The following DCLK2 variants were observed in gnomAD, a reference collection of about 807,000 sequenced individuals.
DCLK2 encodes the protein doublecortin like kinase 2.
DCLK2 carries 31 observed loss-of-function variants against 78.4 expected under a neutral mutation model. The observed-to-expected ratio is 0.40, with a 90% CI of 0.30 to 0.53. The LOEUF (loss-of-function observed/expected upper bound fraction) is 0.53, where lower values mean the gene tolerates loss of function less well. Ranked by LOEUF, DCLK2 falls within the 20% of genes least tolerant of loss-of-function variation. DCLK2 has a pLI of 0.61. For missense variants in DCLK2, 872 were observed against 973.7 expected (o/e 0.90, Z 1.39); for synonymous variants, 407 against 374.9 (o/e 1.09, Z -0.99).
At chr4:150,198,173 T>A in intron 4 of DCLK2, 70 bp downstream of exon 4, 3 of 1,405,874 alleles carry the variant, frequency 2.1e-6, no homozygotes, top group Non-Finnish European at 2.0e-6. Context: ...TCTCTAATTT[T>A]TATGAATTAG....
intron 2 of DCLK2, among the ~76,000 whole-genome samples, chr4:150,185,553 A>G (rs969065119): frequency 6.6e-6 from 1 of 152,134 alleles, no homozygotes; most frequent in East Asian, 1.9e-4. Context: ...ACCTCTACTA[A>G]AAGTACAAGA....
chr4:150,245,900 T>C (rs535943903), intron 12 of DCLK2, among the ~76,000 whole-genome samples: 128 of 152,272 alleles, frequency 8.4e-4, no homozygotes, highest in African/African-American at 3.0e-3. Flanking sequence ...AGCCATCCCA[T>C]TACTGGGTAT....
At chr4:150,217,735 A>C (rs1414465101) in intron 5 of DCLK2, among the ~76,000 whole-genome samples, 3 of 152,206 alleles carry the variant, frequency 2.0e-5, no homozygotes, top group African/African-American at 7.2e-5. Flanking sequence ...GTTCAGCTGC[A>C]CTATAATAAA....
intron 15 of DCLK2, 90 bp from the exon 16 acceptor site, chr4:150,255,930 C>G: frequency 6.6e-7 from 1 of 1,505,318 alleles, no homozygotes; most frequent in African/African-American, 1.4e-5. Flanking sequence ...TTCTGAGGCC[C>G]GTGCATGCTC....
At chr4:150,194,176 C>T (rs1267358030) in intron 3 of DCLK2, among the ~76,000 whole-genome samples, 1 of 151,904 alleles carries the variant, frequency 6.6e-6, no homozygotes, top group African/African-American at 2.4e-5. Flanking sequence ...TTTACAATAC[C>T]TTCTCGATGT....
intron 8 of DCLK2, among the ~76,000 whole-genome samples, chr4:150,226,225 C>CTT (rs3033026): frequency 1.2e-3 from 172 of 142,724 alleles, no homozygotes; most frequent in Admixed American, 3.6e-3. Flanking sequence ...TTGTCATTTA[C>CTT]TTTTTTTTTT....
chr4:150,093,026 T>C (rs1730203435), intron 1 of DCLK2, among the ~76,000 whole-genome samples: 1 of 152,222 alleles, frequency 6.6e-6, no homozygotes, highest in African/African-American at 2.4e-5. Context: ...CATGATCTTA[T>C]ATGTAGAAAA....
chr4:150,194,082 C>T (rs1328724592), intron 3 of DCLK2, among the ~76,000 whole-genome samples: 2 of 147,888 alleles, frequency 1.4e-5, no homozygotes, highest in Admixed American at 1.4e-4. Context: ...CGTATACTTA[C>T]TTTGTTTATA....
chr4:150,095,523 C>T (rs1450177721), intron 1 of DCLK2, among the ~76,000 whole-genome samples: 3 of 152,184 alleles, frequency 2.0e-5, no homozygotes, highest in Admixed American at 2.0e-4. Context: ...TACCCTTTCT[C>T]TTGTTGGACA....
intron 7 of DCLK2, among the ~76,000 whole-genome samples, chr4:150,223,966 T>A (rs1741400347): frequency 6.6e-6 from 1 of 151,996 alleles, no homozygotes; most frequent in South Asian, 2.1e-4. Context: ...AATATATTGA[T>A]AATAAAATTT....
intron 8 of DCLK2, among the ~76,000 whole-genome samples, chr4:150,229,088 C>G (rs572668640): frequency 1.3e-5 from 2 of 152,208 alleles, no homozygotes; most frequent in East Asian, 3.9e-4. Flanking sequence ...GCCTGTAATC[C>G]CAGCACTTTG....
At chr4:150,082,402 C>T (rs1370763787) in intron 1 of DCLK2, among the ~76,000 whole-genome samples, 2 of 152,104 alleles carry the variant, frequency 1.3e-5, no homozygotes, top group African/African-American at 2.4e-5. Context: ...ATTCAGAGCC[C>T]CAATCTCATT....
rs1560835100 is a variant in DCLK2, at chr4:150,175,096, A to ATATATATTTATATATTTATATATTTG, written c.757-18021_757-18020insATTTGTATATATTTATATATTTATAT. On this transcript the variant is annotated intron_variant, in intron 2 of 15. Transcript: ENST00000296550. Reference sequence around the variant, plus strand: ...TATTTATATATTTATATATATATTTATATATATTTATATATTTATATTTTT... The same window carrying ATATATATTTATATATTTATATATTTG: ...TATTTATATATTTATATATATATTTATATATATTTATATATTTATATATTTGTATATATTTATATATTTATATTTTT... 2.4e-3 allele frequency among the ~76,000 whole-genome samples: 123 copies of ATATATATTTATATATTTATATATTTG among 50,960 alleles called. 16 individuals carry two copies. The highest frequency in any genetic ancestry group is 0.014 in the Admixed American group (44 of 3,172). The allele number at this position is 50,960 out of a possible 152,430, so 33.4% of individuals were successfully genotyped here. A position where few individuals can be genotyped will look rare whatever the true frequency, so the allele number is the denominator to read the frequency against.
intron 5 of DCLK2, among the ~76,000 whole-genome samples, chr4:150,216,406 A>G (rs1462059409): frequency 1.3e-5 from 2 of 152,230 alleles, no homozygotes; most frequent in Non-Finnish European, 2.9e-5. Flanking sequence ...TGGGAGGCCA[A>G]GGCAGGGGAT....
At chr4:150,126,631 A>G (rs1732935122) in intron 2 of DCLK2, among the ~76,000 whole-genome samples, 1 of 152,156 alleles carries the variant, frequency 6.6e-6, no homozygotes, top group South Asian at 2.1e-4. Flanking sequence ...TTTGGCTTTT[A>G]TTTTGAAATA....
rs1744541090 is a variant in DCLK2 at position 150,256,132 on chromosome 4, C to T, written c.2186C>T (p.Pro729Leu). ...GTTCCTCCCTCAGTGGAGGAGATCCCTGTGCCTGGGGAAGCAGTCCCGGCC... is the reference window on the plus strand; with the variant it reads ...GTTCCTCCCTCAGTGGAGGAGATCCTTGTGCCTGGGGAAGCAGTCCCGGCC... ...SPVPPSVEEIPVPGEAVPAPT... is the reference protein window; with the variant it reads ...SPVPPSVEEILVPGEAVPAPT... The change falls in exon 16 of 16, where the codon CCT (proline) becomes CTT (leucine). Residue 729 changes from proline to leucine, a missense_variant. Transcript: ENST00000296550. The T allele has an allele frequency of 3.7e-6, 6 of 1,611,722 alleles. No individual in the cohort carries two copies. In the Admixed American group the frequency reaches 5.0e-5, roughly 13 times the overall value.
chr4:150,175,121 T>G (rs6835493), intron 2 of DCLK2, among the ~76,000 whole-genome samples: 1 of 80,976 alleles, frequency 1.2e-5, no homozygotes, highest in African/African-American at 6.8e-5. Context: ...TTTATATTTT[T>G]TATATATATA....
intron 2 of DCLK2, among the ~76,000 whole-genome samples, chr4:150,125,320 T>G (rs1580548379): frequency 6.6e-6 from 1 of 152,158 alleles, no homozygotes; most frequent in East Asian, 1.9e-4. Context: ...CTATAATTAT[T>G]CCTATTTTCC....
intron 2 of DCLK2, among the ~76,000 whole-genome samples, chr4:150,175,209 A>ATATATTTATAATTTATATATATTTATC (rs1736978058): frequency 8.7e-6 from 1 of 115,176 alleles, no homozygotes; most frequent in African/African-American, 3.5e-5. Flanking sequence ...ATATATTTAT[A>ATATATTTATAATTTATATATATTTATC]TATATTTATC....
Sources: gnomAD v4.1 joint callset for allele counts (sites outside exome capture counted in the v4.1 genomes callset) on GRCh38, gnomAD v4.1.1 for gene constraint, MANE v1.5 for transcripts, NCBI Gene and HGNC (gene_info 2026-07-23, HGNC 2026-07-21) for gene names.